DST: variants seen among roughly 807,000 people sequenced by gnomAD.
The protein encoded by DST is dystonin.
A neutral mutation model predicts 875.2 loss-of-function variants in DST; 253 were observed. That is an observed-to-expected ratio of 0.29 (90% CI 0.26 to 0.32). The LOEUF is 0.32. Ranked by LOEUF, DST falls within the 10% of genes least tolerant of loss-of-function variation. The probability of loss-of-function intolerance (pLI) is 1.00; values close to 1 mark genes in which losing one functional copy is unlikely to be tolerated. For synonymous variants in DST, 3,124 were observed against 3,197.1 expected (o/e 0.98, Z 0.77); for missense variants, 8,287 against 9,111.6 (o/e 0.91, Z 3.68).
chr6:56,702,592 A>C (rs1040352288), intron 7 of DST, among the ~76,000 whole-genome samples: 3 of 152,238 alleles, frequency 2.0e-5, no homozygotes, highest in Admixed American at 2.0e-4. Context: ...TACGATAATT[A>C]GAAAGGACTC....
chr6:56,749,830 G>T (rs1458721070), intron 4 of DST, among the ~76,000 whole-genome samples: 2 of 152,034 alleles, frequency 1.3e-5, no homozygotes, highest in Non-Finnish European at 2.9e-5. Flanking sequence ...TTTCATTCTG[G>T]GTTTGTTCAT....
chr6:56,647,688 G>GTTGTTTTTTTTTTTTTTTTTTT (rs1491402943), intron 13 of DST, among the ~76,000 whole-genome samples: 21 of 126,892 alleles, frequency 1.7e-4, no homozygotes, highest in African/African-American at 6.7e-4. Flanking sequence ...TTTTTGTAAT[G>GTTGTTTTTTTTTTTTTTTTTTT]TTTTTTTTTT....
At chr6:56,789,539 C>T (rs530211879) in intron 4 of DST, among the ~76,000 whole-genome samples, 33 of 152,074 alleles carry the variant, frequency 2.2e-4, no homozygotes, top group Non-Finnish European at 4.6e-4. Context: ...CATTATTGTG[C>T]AATCAATCTC....
intron 2 of DST, among the ~76,000 whole-genome samples, chr6:56,938,108 C>CTCTCTCTCTCTATATATATATATATA (rs1383243392): frequency 4.1e-5 from 5 of 120,752 alleles, no homozygotes; most frequent in Admixed American, 1.6e-4. Flanking sequence ...CTCTCTCTCT[C>CTCTCTCTCTCTATATATATATATATA]TATATATATA....
chr6:56,831,534 C>T (rs935913501), intron 4 of DST, among the ~76,000 whole-genome samples: 2 of 152,022 alleles, frequency 1.3e-5, no homozygotes, highest in African/African-American at 4.8e-5. Context: ...GCTTGTGAAA[C>T]CCCTGGATGC....
Position 56,498,116 on chromosome 6 carries a change from C to A in DST, c.19897-63G>T. ...TAACATGTTAATATCATCTTTAATG[C>A]AATTGTTTTCCTTTCTGGTTATGAA... On this transcript the variant is annotated intron_variant, in intron 80 of 103. Transcript: ENST00000680361. The A allele has an allele frequency of 2.1e-6, 3 of 1,444,900 alleles. 1 individual carries two copies. In the South Asian group the frequency reaches 3.8e-5, roughly 18 times the overall value. The allele number at this position is 1,444,900 out of a possible 1,614,324, so 89.5% of individuals were successfully genotyped here. A position where few individuals can be genotyped will look rare whatever the true frequency, so the allele number is the denominator to read the frequency against.
intron 4 of DST, among the ~76,000 whole-genome samples, chr6:56,783,916 C>T (rs1448751110): frequency 1.3e-5 from 2 of 152,034 alleles, no homozygotes; most frequent in East Asian, 3.9e-4. Context: ...TTAGGGCAGG[C>T]CTGGTGGTGA....
rs59883797 is a variant in DST, at chr6:56,623,996, AC to A, written c.4929+533del. Among the ~76,000 whole-genome samples, 1,037 of 152,026 alleles carry A rather than the reference AC, an allele frequency of 6.8e-3. 11 individuals carry two copies. Among genetic ancestry groups the A allele is most frequent in the African/African-American group, 0.024 (1,003 of 41,522 alleles). ...TGCTATATCTTTTTGCAAAAAAAAA[AC>A]AACAAAAAACTCCAAAATTCTTAAA... On this transcript the variant is annotated intron_variant, in intron 36 of 103. Coordinates refer to ENST00000680361, the MANE Select transcript of DST (RefSeq NM_001374736.1).
intron 48 of DST, among the ~76,000 whole-genome samples, chr6:56,593,198 GT>G (rs2098311560): frequency 6.6e-6 from 1 of 152,052 alleles, no homozygotes; most frequent in Non-Finnish European, 1.5e-5. Context: ...TAAATACATT[GT>G]TCAGAAGTAA....
At chr6:56,498,334 G>A (rs995272939) in intron 80 of DST, among the ~76,000 whole-genome samples, 1 of 151,898 alleles carries the variant, frequency 6.6e-6, no homozygotes, top group African/African-American at 2.4e-5. Flanking sequence ...TGCCATGGTT[G>A]GCTAATTTTG....
At chr6:56,504,231 A>G (rs2096240708) in intron 77 of DST, 133 bp from the exon 78 acceptor site, 1 of 632,718 alleles carries the variant, frequency 1.6e-6, no homozygotes, top group Admixed American at 3.8e-5. Flanking sequence ...TAAAAAATTA[A>G]CATGGTTCAC....
rs748859107 is a variant in DST, at chr6:56,471,992, A to G, written c.22158+67T>C. The G allele has an allele frequency of 3.3e-6, 5 of 1,513,856 alleles. No individual in the cohort carries two copies. In the Admixed American group the frequency reaches 5.0e-5, roughly 15 times the overall value. 93.8% of individuals were successfully genotyped at this position (1,513,856 alleles called of 1,614,324 possible). ...AGTTAAAAAATACCAAGATTTTGGC[A>G]ATGGCAATGTGTTATGAGGAATGAG... On this transcript the variant is annotated intron_variant, in intron 94 of 103. Coordinates refer to ENST00000680361, the MANE Select transcript of DST (RefSeq NM_001374736.1).
chr6:56,640,563 T>C lies in DST; in HGVS notation c.2070A>G (p.Glu690=). The change falls in exon 18 of 104, where the codon GAA becomes GAG. Residue 690 remains glutamate, a synonymous_variant. Transcript: ENST00000680361. ...GTCCTTTGCTGTACACAGAAGAACATTCGTTCCTTAAGGCCATAATTTCGT... is the reference window on the plus strand; with the variant it reads ...GTCCTTTGCTGTACACAGAAGAACACTCGTTCCTTAAGGCCATAATTTCGT... The part of the protein sequence containing the change: ...LRDEIMALRN[E]CSSVYSKGRI... The C allele has an allele frequency of 6.2e-7, 1 of 1,614,208 alleles. No individual in the cohort carries two copies. The highest frequency in any genetic ancestry group is 8.5e-7 in the Non-Finnish European group (1 of 1,180,022).
intron 61 of DST, among the ~76,000 whole-genome samples, chr6:56,543,125 C>T (rs745604207): frequency 8.5e-5 from 13 of 152,100 alleles, no homozygotes; most frequent in Admixed American, 3.9e-4. Flanking sequence ...CCGGGAGATC[C>T]GCGAAGAAAT....
At chr6:56,615,705 G>A (rs1045015924) in intron 36 of DST, 3 of 1,613,996 alleles carry the variant, frequency 1.9e-6, no homozygotes, top group Non-Finnish European at 2.5e-6. Context: ...GTGGCAATGA[G>A]GACATCTATA....
rs1204393275 is a variant in DST at position 56,572,119 on chromosome 6, C to T, written c.13702G>A (p.Glu4568Lys). The T allele has an allele frequency of 7.3e-6, 11 of 1,511,062 alleles. No homozygotes were observed. Among genetic ancestry groups the T allele is most frequent in the Non-Finnish European group, 9.7e-6 (11 of 1,129,990 alleles). The allele number at this position is 1,511,062 out of a possible 1,614,324, so 93.6% of individuals were successfully genotyped here. A position where few individuals can be genotyped will look rare whatever the true frequency, so the allele number is the denominator to read the frequency against. ...NNLSKKFKEM[E>K]DTIKEKKEAV... ...ACTTACTTTTCTTTGATGGTATCCT[C>T]CATTTCCTTGAATTTCTTTGACAAA... The change falls in exon 53 of 104, where the codon GAG becomes AAG. Residue 4568 changes from glutamate (E) to lysine (K), a missense_variant. Glu to Lys is a moderately conservative substitution (Grantham distance 56, BLOSUM62 1). This residue lies in a region of DST where 1,513 missense variants were observed against 1,677.8 expected (regional missense o/e 0.90). Transcript: ENST00000680361.
At chr6:56,571,945 C>A (rs1015063073) in intron 53 of DST, among the ~76,000 whole-genome samples, 155 bp downstream of exon 53, 4 of 152,044 alleles carry the variant, frequency 2.6e-5, no homozygotes, top group Admixed American at 2.0e-4. Flanking sequence ...ACTTTAATAG[C>A]AAAAAATGAT....
In DST at chr6:56,634,275, A is replaced by G. The variant is rs74865335; in HGVS notation, c.3495-17T>C. 2.1e-3 allele frequency: 3,397 copies of G among 1,613,774 alleles called. 61 individuals carry two copies. In the African/African-American group the frequency reaches 0.038, roughly 18 times the overall value. On this transcript the variant is annotated splice_polypyrimidine_tract_variant and intron_variant, in intron 26 of 103. Transcript: ENST00000680361. Reference sequence around the variant, plus strand: ...TGCTCAATTCTGAAATACATGAAAGAGAACTCAGATTAATGTTTTTACTCC... The same window carrying G: ...TGCTCAATTCTGAAATACATGAAAGGGAACTCAGATTAATGTTTTTACTCC...
At chr6:56,721,107 C>G (rs985791924) in intron 5 of DST, among the ~76,000 whole-genome samples, 2 of 150,698 alleles carry the variant, frequency 1.3e-5, no homozygotes, top group African/African-American at 4.9e-5. Context: ...GGCGGGGGCG[C>G]CCCCCCACCT....
Sources: allele counts gnomAD v4.1 joint callset (sites outside exome capture counted in the v4.1 genomes callset), GRCh38; gene constraint gnomAD v4.1.1; regional missense constraint gnomAD v4.1.1; transcripts MANE v1.5; gene names NCBI Gene and HGNC (gene_info 2026-07-23, HGNC 2026-07-21).